GREB1L: variants seen among roughly 807,000 people sequenced by gnomAD.
GREB1L encodes GREB1-like protein.
In GREB1L, 17 loss-of-function variants were observed where a neutral mutation model predicts 200.8. The observed-to-expected ratio is 0.08, with a 90% CI of 0.06 to 0.13. The LOEUF (loss-of-function observed/expected upper bound fraction) is 0.13, where lower values mean the gene tolerates loss of function less well. Ranked by LOEUF, GREB1L falls within the 10% of genes least tolerant of loss-of-function variation. The pLI is 1.00. For missense variants in GREB1L, 1,657 were observed against 2,367.7 expected (o/e 0.70, Z 6.23); for synonymous variants, 789 against 893.0 (o/e 0.88, Z 2.08).
chr18:21,382,909 A>T (rs1186048750), intron 2 of GREB1L, among the ~76,000 whole-genome samples: 4 of 152,216 alleles, frequency 2.6e-5, no homozygotes, highest in African/African-American at 9.6e-5. Flanking sequence ...CCCAAATAAG[A>T]TTGTACTTCA....
intron 13 of GREB1L, chr18:21,451,475 T>C: frequency 7.0e-6 from 1 of 143,504 alleles, no homozygotes; most frequent in East Asian, 2.1e-4. Context: ...CTTTCCTTCC[T>C]TCCTTTTTTT....
intron 17 of GREB1L, among the ~76,000 whole-genome samples, chr18:21,484,162 A>G (rs2145796873): frequency 6.7e-6 from 1 of 150,290 alleles, no homozygotes; most frequent in Non-Finnish European, 1.5e-5. Flanking sequence ...TAATACATAC[A>G]TACATATATA....
intron 7 of GREB1L, among the ~76,000 whole-genome samples, chr18:21,438,960 C>CAAAA (rs59125788): frequency 1.7e-4 from 11 of 64,590 alleles, no homozygotes; most frequent in African/African-American, 1.9e-4. Flanking sequence ...GACTCTGTCT[C>CAAAA]AAAAAAAAAA....
intron 7 of GREB1L, among the ~76,000 whole-genome samples, chr18:21,428,298 T>C (rs1435546957): frequency 2.0e-5 from 3 of 148,934 alleles, no homozygotes; most frequent in East Asian, 1.9e-4. Flanking sequence ...AGTGGGTTTT[T>C]TGTTGTTTTT....
chr18:21,249,366 C>T (rs2037661392), intron 1 of GREB1L, among the ~76,000 whole-genome samples: 1 of 152,144 alleles, frequency 6.6e-6, no homozygotes, highest in Non-Finnish European at 1.5e-5. Flanking sequence ...AATCTCAGGC[C>T]CCATCCCGAG....
intron 7 of GREB1L, among the ~76,000 whole-genome samples, chr18:21,433,863 C>T (rs28452154): frequency 0.011 from 1,607 of 152,254 alleles, 34 homozygotes; most frequent in African/African-American, 0.036. Flanking sequence ...TCTAGCTGTT[C>T]TGCTGGAGTA....
At chr18:21,346,014 T>G (rs527241675) in intron 1 of GREB1L, among the ~76,000 whole-genome samples, 1 of 152,290 alleles carries the variant, frequency 6.6e-6, no homozygotes, top group African/African-American at 2.4e-5. Context: ...CTTCTGTATC[T>G]GCCAGTCCTG....
At chr18:21,296,308 C>T (rs952216929) in intron 1 of GREB1L, among the ~76,000 whole-genome samples, 5 of 152,168 alleles carry the variant, frequency 3.3e-5, no homozygotes, top group African/African-American at 1.2e-4. Flanking sequence ...AGGCCACTAT[C>T]CTAAGTGAAT....
At chr18:21,464,401 G>A (rs1305788902) in intron 15 of GREB1L, among the ~76,000 whole-genome samples, 4 of 151,822 alleles carry the variant, frequency 2.6e-5, no homozygotes, top group Non-Finnish European at 5.9e-5. Flanking sequence ...AAAATTAGCC[G>A]GGCGTAGTGG....
At chr18:21,247,827 G>A (rs1222059337) in intron 1 of GREB1L, among the ~76,000 whole-genome samples, 1 of 152,148 alleles carries the variant, frequency 6.6e-6, no homozygotes, top group African/African-American at 2.4e-5. Context: ...TCATCTTGAT[G>A]TAGAGTTGCA....
At chr18:21,494,245 T>G (rs2036457753) in intron 19 of GREB1L, among the ~76,000 whole-genome samples, 1 of 152,184 alleles carries the variant, frequency 6.6e-6, no homozygotes, top group African/African-American at 2.4e-5. Context: ...TTACGTAGAT[T>G]CCCTATTTCC....
intron 1 of GREB1L, among the ~76,000 whole-genome samples, chr18:21,301,423 T>C (rs2038615481): frequency 6.6e-6 from 1 of 152,210 alleles, no homozygotes. Flanking sequence ...TGGAGCCCAG[T>C]TACCCCTTCC....
chr18:21,310,045 A>T (rs2038767129), intron 1 of GREB1L, among the ~76,000 whole-genome samples: 2 of 152,334 alleles, frequency 1.3e-5, no homozygotes, highest in African/African-American at 2.4e-5. Context: ...TCATTACTAT[A>T]GGTAGCAGTT....
Position 21,330,239 on chromosome 18 carries a change from G to A in GREB1L, c.-119-35788G>A, listed in dbSNP as rs563672750. Among the ~76,000 whole-genome samples the A allele has an allele frequency of 2.0e-5, 3 of 152,312 alleles. No homozygotes were observed. In the East Asian group the frequency reaches 5.8e-4, roughly 29 times the overall value. The stretch of plus-strand genomic sequence containing the variant: ...CACCAACGAGCTGCAGCCCTGGCTC[G>A]TGAGGGCTGGCCTCATTATTTGGAA... On this transcript the variant is annotated intron_variant, in intron 1 of 32. Coordinates refer to ENST00000424526, the MANE Select transcript of GREB1L (RefSeq NM_001142966.3).
At chr18:21,349,520 G>A (rs1244866759) in intron 1 of GREB1L, among the ~76,000 whole-genome samples, 2 of 152,278 alleles carry the variant, frequency 1.3e-5, no homozygotes, top group Non-Finnish European at 2.9e-5. Flanking sequence ...CTGGCCACGT[G>A]GCCTGTTAGG....
chr18:21,345,044 T>A (rs1401109877), intron 1 of GREB1L, among the ~76,000 whole-genome samples: 3 of 152,188 alleles, frequency 2.0e-5, no homozygotes, highest in Non-Finnish European at 2.9e-5. Flanking sequence ...AGCAGGCTGC[T>A]CCTCTCACTT....
intron 1 of GREB1L, among the ~76,000 whole-genome samples, chr18:21,355,385 G>T (rs1206142640): frequency 6.6e-6 from 1 of 151,946 alleles, no homozygotes; most frequent in East Asian, 1.9e-4. Flanking sequence ...GTAGAGATGG[G>T]GTTTCACTAT....
At chr18:21,245,007 A>G (rs918201586) in intron 1 of GREB1L, among the ~76,000 whole-genome samples, 2 of 152,202 alleles carry the variant, frequency 1.3e-5, no homozygotes, top group African/African-American at 4.8e-5. Flanking sequence ...TATTTTAGTT[A>G]CTTGATAAAT....
intron 1 of GREB1L, among the ~76,000 whole-genome samples, chr18:21,250,970 T>C (rs866508550): frequency 2.6e-5 from 4 of 152,248 alleles, no homozygotes; most frequent in Middle Eastern, 3.2e-3. Flanking sequence ...TGCATATTTA[T>C]ATATAATCAA....
Sources: allele counts gnomAD v4.1 joint callset (sites outside exome capture counted in the v4.1 genomes callset), GRCh38; gene constraint gnomAD v4.1.1; transcripts MANE v1.5; gene names NCBI Gene and HGNC (gene_info 2026-07-23, HGNC 2026-07-21).